NGDN: variants seen among roughly 807,000 people sequenced by gnomAD.
NGDN encodes neuroguidin.
In NGDN, 41 loss-of-function variants were observed where a neutral mutation model predicts 45.2. The ratio of observed to expected loss-of-function variants is 0.91; its 90% CI spans 0.71 to 1.18. The LOEUF (loss-of-function observed/expected upper bound fraction) is 1.18. Ranked by LOEUF, NGDN falls within the 50% of genes most tolerant of loss-of-function variation. NGDN has a pLI of 0.00. For synonymous variants in NGDN, 137 were observed against 130.9 expected (o/e 1.05, Z -0.32); for missense variants, 402 against 399.9 (o/e 1.01, Z -0.05).
chr14:23,477,164 G>A (rs757493585), intron 8 of NGDN, 36 bp from the exon 9 acceptor site: 5 of 1,609,122 alleles, frequency 3.1e-6, no homozygotes, highest in Middle Eastern at 1.7e-4. Context: ...CCATCTCCAT[G>A]GTCTGAGCCT....
At chr14:23,476,754 A>G (rs926202966) in intron 8 of NGDN, among the ~76,000 whole-genome samples, 2 of 152,220 alleles carry the variant, frequency 1.3e-5, no homozygotes, top group African/African-American at 2.4e-5. Context: ...GCAGAAGGCA[A>G]TAAAGGTAGG....
chr14:23,469,800 A>G lies in NGDN; in HGVS notation c.12+73A>G. On this transcript the variant is annotated intron_variant, in intron 1 of 10. Coordinates refer to ENST00000408901, the MANE Select transcript of NGDN (RefSeq NM_001042635.2). ...CTTTGCCTTCAGCGGCTGGAGGCAA[A>G]CTGTTGGTACCAGGGAAGGGTGGTG... 3 of 1,582,408 alleles carry G rather than the reference A, an allele frequency of 1.9e-6. No individual in the cohort carries two copies. In the South Asian group the frequency reaches 3.3e-5, roughly 18 times the overall value.
At chr14:23,475,455 T>A in intron 4 of NGDN, 103 bp from the exon 5 acceptor site, 1 of 1,380,288 alleles carries the variant, frequency 7.2e-7, no homozygotes. Context: ...TGCTCTACTT[T>A]GTACATATTT....
Position 23,475,535 on chromosome 14 carries a change from C to A in NGDN, c.283-23C>A, listed in dbSNP as rs199863159. On this transcript the variant is annotated intron_variant, in intron 4 of 10. Transcript: ENST00000408901. The stretch of plus-strand genomic sequence containing the variant: ...CTTCATTTTGGGAAGGAAATATAAT[C>A]CTGATTAACTACCATGTTGTAGGTT... The A allele has an allele frequency of 4.4e-4, 715 of 1,608,708 alleles. 4 individuals are homozygous for A. The South Asian group carries it at 6.1e-3, about 14-fold the overall frequency.
intron 3 of NGDN, among the ~76,000 whole-genome samples, chr14:23,473,788 C>G (rs1893837264): frequency 6.6e-6 from 1 of 152,130 alleles, no homozygotes; most frequent in African/African-American, 2.4e-5. Context: ...AAGCACAAAT[C>G]TGCTATAACT....
intron 3 of NGDN, among the ~76,000 whole-genome samples, chr14:23,474,873 A>G (rs1893860771): frequency 6.6e-6 from 1 of 152,198 alleles, no homozygotes; most frequent in Non-Finnish European, 1.5e-5. Flanking sequence ...TCTGGCTTCA[A>G]ATGTCAATAG....
chr14:23,470,233 C>T (rs1893743082), intron 2 of NGDN, 132 bp downstream of exon 2: 8 of 696,644 alleles, frequency 1.1e-5, no homozygotes, highest in South Asian at 1.1e-4. Flanking sequence ...GTAATCAAAA[C>T]CTTTTCACGC....
chr14:23,470,854 C>A, intron 2 of NGDN, 52 bp from the exon 3 acceptor site: 1 of 1,406,136 alleles, frequency 7.1e-7, no homozygotes, highest in Non-Finnish European at 9.7e-7. Flanking sequence ...TCACAGTTTG[C>A]AGACATAATT....
chr14:23,470,032 C>G lies in NGDN; in HGVS notation c.13-10C>G. On this transcript the variant is annotated splice_polypyrimidine_tract_variant and intron_variant, in intron 1 of 10. Transcript: ENST00000408901. ...ATGACTTTTCTTTACGCCTCCTCTC[C>G]CTTCTGTAGGGGGTGCTGGAGTCCG... 1.9e-6 allele frequency: 3 copies of G among 1,613,762 alleles called. No individual in the cohort carries two copies. The highest frequency in any genetic ancestry group is 2.5e-6 in the Non-Finnish European group (3 of 1,179,796).
rs1893931368 is a variant in NGDN, at chr14:23,477,497, C to T, written c.871-6C>T. On this transcript the variant is annotated splice_polypyrimidine_tract_variant and splice_region_variant and intron_variant, in intron 9 of 10. Transcript: ENST00000408901. ...GCCATTCCATCACTTCTCCATCTGT[C>T]TCCAGGATCAGAATCCTATTAAGAA... 6.2e-7 allele frequency: 1 copy of T among 1,614,020 alleles called. No homozygotes were observed. The highest frequency in any genetic ancestry group is 8.5e-7 in the Non-Finnish European group (1 of 1,180,006).
At chr14:23,476,679 G>A (rs1355442109) in intron 8 of NGDN, among the ~76,000 whole-genome samples, 2 of 152,188 alleles carry the variant, frequency 1.3e-5, no homozygotes, top group Non-Finnish European at 2.9e-5. Flanking sequence ...AAAGAGGAAT[G>A]TATGCAGTTC....
chr14:23,472,837 T>C (rs1464697164), intron 3 of NGDN, among the ~76,000 whole-genome samples: 2 of 152,224 alleles, frequency 1.3e-5, no homozygotes, highest in Admixed American at 6.5e-5. Context: ...TCTTTATCAT[T>C]CACTTATGTT....
intron 8 of NGDN, 132 bp downstream of exon 8, chr14:23,476,539 T>C (rs1378420869): frequency 3.2e-6 from 3 of 925,838 alleles, no homozygotes; most frequent in Admixed American, 3.2e-5. Context: ...TTTGGGATGA[T>C]AGTTTCTAAG....
chr14:23,474,578 T>C (rs80009965), intron 3 of NGDN, among the ~76,000 whole-genome samples: 2,736 of 142,622 alleles, frequency 0.019, 76 homozygotes, highest in African/African-American at 0.064. Flanking sequence ...TATCCCCCCC[T>C]ACACACACAC....
intron 2 of NGDN, among the ~76,000 whole-genome samples, chr14:23,470,645 G>A (rs1326743065): frequency 6.6e-6 from 1 of 152,114 alleles, no homozygotes; most frequent in Non-Finnish European, 1.5e-5. Flanking sequence ...CAGTGCTTCA[G>A]TCACTACTCT....
intron 1 of NGDN, 120 bp from the exon 2 acceptor site, chr14:23,469,922 T>C: frequency 8.0e-7 from 1 of 1,251,698 alleles, no homozygotes; most frequent in South Asian, 1.3e-5. Context: ...AACCCGAGTG[T>C]GAAGGCCCCG....
At chr14:23,475,967 G>T (rs1235499744) in intron 6 of NGDN, 62 bp from the exon 7 acceptor site, 2 of 1,606,226 alleles carry the variant, frequency 1.2e-6, no homozygotes, top group Non-Finnish European at 1.7e-6. Flanking sequence ...TCCAGCTTTG[G>T]GTTTTCTTCT....
intron 2 of NGDN, among the ~76,000 whole-genome samples, chr14:23,470,554 T>C (rs1893751430): frequency 6.6e-6 from 1 of 152,204 alleles, no homozygotes; most frequent in Admixed American, 6.5e-5. Context: ...TTTTACACCC[T>C]CGTAAAGTGG....
At position 23,470,890 on chromosome 14, in the gene NGDN, T is replaced by C. The variant is rs772495524; in HGVS notation, c.73-16T>C. 1 of 1,561,578 alleles carries C rather than the reference T, an allele frequency of 6.4e-7. No homozygotes were observed. The highest frequency in any genetic ancestry group is 1.2e-5 in the South Asian group (1 of 82,116). ...TGATATAATCTAATCACTTGTTTTA[T>C]TTGGGCTAATTTCAGGTGATGGCTG... On this transcript the variant is annotated splice_polypyrimidine_tract_variant and intron_variant, in intron 2 of 10. Coordinates refer to ENST00000408901, the MANE Select transcript of NGDN (RefSeq NM_001042635.2).
Sources: gnomAD v4.1 joint callset for allele counts (sites outside exome capture counted in the v4.1 genomes callset) on GRCh38, gnomAD v4.1.1 for gene constraint, MANE v1.5 for transcripts, NCBI Gene and HGNC (gene_info 2026-07-23, HGNC 2026-07-21) for gene names.